GATAD2A: variants seen among roughly 807,000 people sequenced by gnomAD.
GATAD2A encodes the protein GATA zinc finger domain containing 2A.
Under a neutral mutation model 68.5 loss-of-function variants are expected in GATAD2A, and 12 were observed. The ratio of observed to expected loss-of-function variants is 0.18; its 90% CI spans 0.11 to 0.28. The LOEUF (loss-of-function observed/expected upper bound fraction) is 0.28. GATAD2A is among the 10% of genes least tolerant of loss of function. The probability of loss-of-function intolerance (pLI) is 1.00; values close to 1 mark genes in which losing one functional copy is unlikely to be tolerated. For synonymous variants in GATAD2A, 410 were observed against 375.3 expected (o/e 1.09, Z -1.07); for missense variants, 755 against 868.5 (o/e 0.87, Z 1.64).
chr19:19,504,640 CTTT>C (rs36052091), intron 11 of GATAD2A, among the ~76,000 whole-genome samples: 20 of 137,156 alleles, frequency 1.5e-4, no homozygotes, highest in Middle Eastern at 3.7e-3. Context: ...TTTTTTTTTC[CTTT>C]TTTTTTTTTT....
At chr19:19,442,748 A>C (rs539313606) in intron 1 of GATAD2A, among the ~76,000 whole-genome samples, 1 of 151,462 alleles carries the variant, frequency 6.6e-6, no homozygotes, top group South Asian at 2.1e-4. Flanking sequence ...TAGCCTGAGC[A>C]ATGTAGCAGG....
chr19:19,423,521 G>A (rs1053991766), intron 1 of GATAD2A, among the ~76,000 whole-genome samples: 14 of 152,268 alleles, frequency 9.2e-5, no homozygotes, highest in African/African-American at 3.4e-4. Context: ...TGAGAATCCT[G>A]GGCTGAATGC....
At position 19,496,120 on chromosome 19, in the gene GATAD2A, G is replaced by A. The variant is rs758505727; in HGVS notation, c.825G>A (p.Ser275=). ...CCCTCCTCCTGGCCCCCCGGGCGTCGGTGCCCAGTGTGCAGATTCAGGGAC... is the reference window on the plus strand; with the variant it reads ...CCCTCCTCCTGGCCCCCCGGGCGTCAGTGCCCAGTGTGCAGATTCAGGGAC... ...PPPLLLAPRA[S]VPSVQIQGQR... is the part of the protein sequence containing the mutation. The change falls in exon 7 of 12, where the codon TCG becomes TCA. Residue 275 remains serine, a synonymous_variant. Coordinates refer to ENST00000683918, the MANE Select transcript of GATAD2A (RefSeq NM_001384528.1). 20 of 1,613,460 alleles carry A rather than the reference G, an allele frequency of 1.2e-5. No homozygotes were observed. Among genetic ancestry groups the A allele is most frequent in the African/African-American group, 4.0e-5 (3 of 74,914 alleles).
chr19:19,500,873 T>G (rs1333194611), intron 8 of GATAD2A, among the ~76,000 whole-genome samples: 1 of 152,236 alleles, frequency 6.6e-6, no homozygotes, highest in Non-Finnish European at 1.5e-5. Flanking sequence ...GAGGCAGGGC[T>G]TGGCATGGTC....
At chr19:19,461,368 T>G (rs2057415243) in intron 1 of GATAD2A, among the ~76,000 whole-genome samples, 1 of 152,210 alleles carries the variant, frequency 6.6e-6, no homozygotes, top group South Asian at 2.1e-4. Flanking sequence ...TATCAAGAGA[T>G]GCGTACTGGC....
chr19:19,441,018 T>TTCCC (rs1280167315), intron 1 of GATAD2A, among the ~76,000 whole-genome samples: 6 of 148,394 alleles, frequency 4.0e-5, no homozygotes, highest in African/African-American at 1.5e-4. Context: ...CTTCCCTTCC[T>TTCCC]TCCCTTCCTT....
intron 2 of GATAD2A, among the ~76,000 whole-genome samples, chr19:19,467,801 A>C (rs2057993025): frequency 6.6e-6 from 1 of 152,144 alleles, no homozygotes; most frequent in Non-Finnish European, 1.5e-5. Context: ...AGAAATATAT[A>C]TGTTTGCATG....
intron 1 of GATAD2A, among the ~76,000 whole-genome samples, chr19:19,422,186 C>T (rs2052504950): frequency 6.6e-6 from 1 of 152,204 alleles, no homozygotes; most frequent in Non-Finnish European, 1.5e-5. Context: ...AACATATCAG[C>T]ATTTTCATAC....
At chr19:19,503,146 G>A (rs1244235673) in intron 11 of GATAD2A, among the ~76,000 whole-genome samples, 1 of 152,212 alleles carries the variant, frequency 6.6e-6, no homozygotes, top group Non-Finnish European at 1.5e-5. Flanking sequence ...TCATGTATGT[G>A]TTAACATTAG....
At chr19:19,491,218 G>T (rs1228724525) in intron 2 of GATAD2A, among the ~76,000 whole-genome samples, 1 of 152,188 alleles carries the variant, frequency 6.6e-6, no homozygotes, top group African/African-American at 2.4e-5. Context: ...ATGAATAACA[G>T]CAGCTCATCA....
rs540687773 is a variant in GATAD2A at position 19,409,396 on chromosome 19, C to A, written c.-7+3377C>A. ...GGGTAATAGAGCATCCCTGGGATTT[C>A]CTCCTAACCCTTGTCTGGTTGGGAA... is the stretch of plus-strand genomic sequence containing the variant. On this transcript the variant is annotated intron_variant, in intron 1 of 11. Transcript: ENST00000683918. 9.2e-5 allele frequency among the ~76,000 whole-genome samples: 14 copies of A among 152,236 alleles called. No homozygotes were observed. The East Asian group carries it at 2.5e-3, about 27-fold the overall frequency.
intron 2 of GATAD2A, among the ~76,000 whole-genome samples, chr19:19,489,288 G>A (rs752993546): frequency 6.6e-5 from 10 of 152,218 alleles, no homozygotes; most frequent in South Asian, 2.1e-4. Context: ...GGGTGAGCCT[G>A]GCGCCTCCAT....
intron 1 of GATAD2A, among the ~76,000 whole-genome samples, chr19:19,457,506 C>A (rs555743130): frequency 2.7e-4 from 41 of 152,142 alleles, no homozygotes; most frequent in Non-Finnish European, 4.3e-4. Flanking sequence ...TTTGGGAGGC[C>A]GAGGCGGGCG....
chr19:19,413,737 A>G (rs1473132645), intron 1 of GATAD2A, among the ~76,000 whole-genome samples: 2 of 151,994 alleles, frequency 1.3e-5, no homozygotes, highest in African/African-American at 4.8e-5. Flanking sequence ...GACACCCATA[A>G]CTTTGCCTGG....
At chr19:19,465,711 C>T in intron 2 of GATAD2A, 97 bp downstream of exon 2, 1 of 1,399,378 alleles carries the variant, frequency 7.1e-7, no homozygotes, top group South Asian at 1.3e-5. Context: ...TTGGTAACAG[C>T]TTGGCGGGGT....
chr19:19,505,104 T>G (rs1291379749), intron 11 of GATAD2A, among the ~76,000 whole-genome samples: 2 of 152,142 alleles, frequency 1.3e-5, no homozygotes, highest in Non-Finnish European at 2.9e-5. Context: ...GCCCCACACT[T>G]GGGATTACCT....
At chr19:19,424,324 G>A (rs1265045044) in intron 1 of GATAD2A, among the ~76,000 whole-genome samples, 1 of 152,156 alleles carries the variant, frequency 6.6e-6, no homozygotes, top group Non-Finnish European at 1.5e-5. Context: ...CCACCTCCCA[G>A]GCTCAAGTGA....
intron 1 of GATAD2A, among the ~76,000 whole-genome samples, chr19:19,448,868 C>A (rs2056055258): frequency 6.6e-6 from 1 of 152,154 alleles, no homozygotes. Flanking sequence ...TCTGGTACAA[C>A]TTGGGGGTGA....
chr19:19,442,704 G>A (rs191910513), intron 1 of GATAD2A, among the ~76,000 whole-genome samples: 21 of 151,132 alleles, frequency 1.4e-4, no homozygotes, highest in Admixed American at 1.1e-3. Flanking sequence ...GGAGGCCAAG[G>A]CCATAGGATT....
Sources: allele counts gnomAD v4.1 joint callset (sites outside exome capture counted in the v4.1 genomes callset), GRCh38; gene constraint gnomAD v4.1.1; transcripts MANE v1.5; gene names NCBI Gene and HGNC (gene_info 2026-07-23, HGNC 2026-07-21).